Variants in UGGT2 observed in about 807,000 individuals in gnomAD.
UGGT2 encodes UDP-glucose:glycoprotein glucosyltransferase 2.
In UGGT2, 180 loss-of-function variants were observed where a neutral mutation model predicts 192.1. The observed-to-expected ratio is 0.94, with a 90% CI of 0.83 to 1.06. UGGT2 has a LOEUF of 1.06. UGGT2 is among the 50% of genes least tolerant of loss of function. The probability of loss-of-function intolerance (pLI) is 0.00; values close to 1 mark genes in which losing one functional copy is unlikely to be tolerated. For missense variants in UGGT2, 1,849 were observed against 1,795.7 expected, an observed-to-expected ratio of 1.03 and a Z score of -0.54; for synonymous variants, 580 against 591.0, an observed-to-expected ratio of 0.98 and a Z score of 0.27.
intron 12 of UGGT2, among the ~76,000 whole-genome samples, chr13:95,962,366 G>A (rs964070753): frequency 4.0e-5 from 6 of 151,882 alleles, no homozygotes; most frequent in Non-Finnish European, 7.4e-5. Flanking sequence ...AAATGAAGAA[G>A]CACACTGATA....
chr13:95,975,867 T>G (rs9670470), intron 10 of UGGT2, among the ~76,000 whole-genome samples: 57,733 of 151,948 alleles, frequency 0.38, 11,373 homozygotes, highest in Middle Eastern at 0.46. Context: ...TTTATGGAGA[T>G]CTTGTGATAT....
At chr13:95,850,623 C>A (rs1341126629) in intron 36 of UGGT2, among the ~76,000 whole-genome samples, 1 of 152,142 alleles carries the variant, frequency 6.6e-6, no homozygotes, top group Non-Finnish European at 1.5e-5. Context: ...TCCTACTTAC[C>A]CAGGCTCATC....
chr13:95,972,810 T>TTGA (rs2050817707), intron 10 of UGGT2, 139 bp from the exon 11 acceptor site: 1 of 606,428 alleles, frequency 1.6e-6, no homozygotes. Context: ...GTTGCAATTA[T>TTGA]TGATCTCTGC....
At chr13:95,941,695 A>T (rs907711647) in intron 15 of UGGT2, among the ~76,000 whole-genome samples, 2 of 152,306 alleles carry the variant, frequency 1.3e-5, no homozygotes, top group East Asian at 3.9e-4. Flanking sequence ...ATCCTCTTAC[A>T]CATTTTTAAA....
At chr13:95,909,615 G>C (rs113874730) in intron 20 of UGGT2, among the ~76,000 whole-genome samples, 4 of 102,836 alleles carry the variant, frequency 3.9e-5, no homozygotes, top group Non-Finnish European at 7.5e-5. Context: ...GGTGGGGGGA[G>C]GGGGGAGGGA....
At chr13:95,832,683 T>C in intron 38 of UGGT2, 1 of 583,210 alleles carries the variant, frequency 1.7e-6, no homozygotes, top group East Asian at 4.2e-5. Flanking sequence ...GTCAGGAGAC[T>C]AATGTTACAC....
At position 95,895,160 on chromosome 13, in the gene UGGT2, C is replaced by T. The variant is rs892172264; in HGVS notation, c.2759+20G>A. On this transcript the variant is annotated intron_variant, in intron 23 of 38. Transcript: ENST00000376747. ...AATACCAAACCCAAAATGAATTGCT[C>T]TTAGAACTTATATACTCACTTATTT... 1.2e-5 allele frequency: 19 copies of T among 1,561,018 alleles called. No homozygotes were observed. The Admixed American group carries it at 2.9e-4, about 24-fold the overall frequency.
At chr13:95,945,068 T>G (rs1158124931) in intron 15 of UGGT2, among the ~76,000 whole-genome samples, 1 of 152,140 alleles carries the variant, frequency 6.6e-6, no homozygotes, top group Non-Finnish European at 1.5e-5. Flanking sequence ...GTGTATAACT[T>G]TCTGTCTTTT....
chr13:95,921,200 G>T (rs550523005), intron 20 of UGGT2, among the ~76,000 whole-genome samples: 1 of 152,062 alleles, frequency 6.6e-6, no homozygotes, highest in Non-Finnish European at 1.5e-5. Context: ...TTGGGGGTAG[G>T]GGGTGTGGGG....
chr13:96,022,472 T>C (rs1377993061), intron 4 of UGGT2, among the ~76,000 whole-genome samples: 1 of 151,892 alleles, frequency 6.6e-6, no homozygotes, highest in East Asian at 1.9e-4. Flanking sequence ...GAGTTAAGTA[T>C]TAATATGCAT....
intron 36 of UGGT2, among the ~76,000 whole-genome samples, chr13:95,853,104 C>A (rs548455193): frequency 4.9e-4 from 74 of 152,242 alleles, no homozygotes; most frequent in Middle Eastern, 6.8e-3. Flanking sequence ...CTTCACTGGG[C>A]ACTCATTCTC....
intron 38 of UGGT2, among the ~76,000 whole-genome samples, chr13:95,832,381 T>C (rs1488965306): frequency 3.9e-5 from 6 of 152,094 alleles, no homozygotes; most frequent in Non-Finnish European, 8.8e-5. Context: ...TGAACACTTA[T>C]GTAGGGCAAT....
chr13:95,825,869 C>T (rs1885986069), intron 38 of UGGT2, among the ~76,000 whole-genome samples: 1 of 152,098 alleles, frequency 6.6e-6, no homozygotes, highest in South Asian at 2.1e-4. Context: ...AGGTTGCTCC[C>T]TTGATGTGGT....
rs554011432 is a variant in UGGT2 at position 95,846,049 on chromosome 13, G to A, written c.4284+7494C>T. On this transcript the variant is annotated intron_variant, in intron 36 of 38. Coordinates refer to ENST00000376747, the MANE Select transcript of UGGT2 (RefSeq NM_020121.4). Reference sequence around the variant, plus strand: ...GCGGCCAGGCAGAGGCTGCAATCTCGGCACTTTGGGAGGGCAAGGCAGGCG... The same window carrying A: ...GCGGCCAGGCAGAGGCTGCAATCTCAGCACTTTGGGAGGGCAAGGCAGGCG... Among the ~76,000 whole-genome samples, 12 of 152,258 alleles carry A rather than the reference G, an allele frequency of 7.9e-5. No homozygotes were observed. In the South Asian group the frequency reaches 1.2e-3, roughly 16 times the overall value.
At chr13:95,843,210 G>A (rs1290176001) in intron 36 of UGGT2, among the ~76,000 whole-genome samples, 4 of 152,112 alleles carry the variant, frequency 2.6e-5, no homozygotes, top group Non-Finnish European at 5.9e-5. Flanking sequence ...TTTCAAAAGG[G>A]CTTAGCCATT....
chr13:95,957,211 G>T (rs757039548), intron 12 of UGGT2, among the ~76,000 whole-genome samples: 1 of 152,214 alleles, frequency 6.6e-6, no homozygotes, highest in Non-Finnish European at 1.5e-5. Flanking sequence ...ACAGAGCTTC[G>T]TTCGGGATAA....
At chr13:96,016,019 T>C (rs192596502) in intron 4 of UGGT2, among the ~76,000 whole-genome samples, 21 of 152,194 alleles carry the variant, frequency 1.4e-4, no homozygotes, top group Non-Finnish European at 2.4e-4. Flanking sequence ...GCTTATGCCC[T>C]AGGGATCTGT....
intron 17 of UGGT2, among the ~76,000 whole-genome samples, chr13:95,929,586 T>A (rs1338147911): frequency 6.6e-6 from 1 of 152,230 alleles, no homozygotes; most frequent in Non-Finnish European, 1.5e-5. Flanking sequence ...TTGCTTGGCC[T>A]CCAGCTGAGT....
intron 37 of UGGT2, 89 bp downstream of exon 37, chr13:95,836,997 T>C (rs1204430263): frequency 1.2e-5 from 12 of 993,558 alleles, no homozygotes; most frequent in Non-Finnish European, 1.4e-5. Flanking sequence ...GTAATACGTA[T>C]GCCACTCCCT....
Sources: allele counts gnomAD v4.1 joint callset (sites outside exome capture counted in the v4.1 genomes callset), GRCh38; gene constraint gnomAD v4.1.1; transcripts MANE v1.5; gene names NCBI Gene and HGNC (gene_info 2026-07-23, HGNC 2026-07-21).